Variants in ENPP3 observed in about 807,000 individuals in gnomAD.
ENPP3 encodes the protein ectonucleotide pyrophosphatase/phosphodiesterase 3.
ENPP3 carries 104 observed loss-of-function variants against 117.8 expected under a neutral mutation model. The observed-to-expected ratio is 0.88, with a 90% CI of 0.75 to 1.04. The LOEUF is 1.04. Among genes scored for constraint, ENPP3 ranks in the 50% least tolerant of loss-of-function variants. The probability of loss-of-function intolerance (pLI) is 0.00; values close to 1 mark genes in which losing one functional copy is unlikely to be tolerated. For synonymous variants in ENPP3, 380 were observed against 349.9 expected (o/e 1.09, Z -0.96); for missense variants, 1,026 against 1,051.9 (o/e 0.98, Z 0.34).
At chr6:131,686,734 G>C (rs1405106937) in intron 14 of ENPP3, among the ~76,000 whole-genome samples, 2 of 152,116 alleles carry the variant, frequency 1.3e-5, no homozygotes, top group Non-Finnish European at 2.9e-5. Flanking sequence ...TCAATGTTTA[G>C]CTCCCACTTA....
rs571484687 is a variant in ENPP3, at chr6:131,642,014, C to T, written c.154+484C>T. On this transcript the variant is annotated intron_variant, in intron 2 of 24. Transcript: ENST00000357639. ...TTCACTACATTGCCCAGGCTGGTCT[C>T]GAGCTCCCGGGCTCAAGTGATCCAC... Among the ~76,000 whole-genome samples the T allele has an allele frequency of 4.6e-5, 7 of 151,796 alleles. No homozygotes were observed. The East Asian group carries it at 7.8e-4, about 17-fold the overall frequency.
chr6:131,653,491 A>C (rs1778309616), intron 5 of ENPP3, among the ~76,000 whole-genome samples: 1 of 152,092 alleles, frequency 6.6e-6, no homozygotes, highest in Non-Finnish European at 1.5e-5. Flanking sequence ...TAAATAGGTA[A>C]TACTCCAAAG....
chr6:131,733,654 T>C lies in ENPP3; in HGVS notation c.2020T>C (p.Ser674Pro), dbSNP rs755272425. 1 of 1,614,162 alleles carries C rather than the reference T, an allele frequency of 6.2e-7. No homozygotes were observed. The highest frequency in any genetic ancestry group is 8.5e-7 in the Non-Finnish European group (1 of 1,179,996). ...GCGGGCTGATGTCAGGGTTCCTCCTTCTGAGAGCCAAAAATGTTCCTTCTA... is the reference window on the plus strand; with the variant it reads ...GCGGGCTGATGTCAGGGTTCCTCCTCCTGAGAGCCAAAAATGTTCCTTCTA... Reference protein sequence around the residue: ...CLRADVRVPPSESQKCSFYLA... With the variant: ...CLRADVRVPPPESQKCSFYLA... The change falls in exon 21 of 25, where the codon TCT becomes CCT. Residue 674 changes from serine to proline, a missense_variant. Transcript: ENST00000357639.
chr6:131,669,084 C>T (rs1481486612), intron 6 of ENPP3, among the ~76,000 whole-genome samples: 1 of 152,060 alleles, frequency 6.6e-6, no homozygotes, highest in African/African-American at 2.4e-5. Flanking sequence ...GTCTGCCACC[C>T]GTTTCAAGGA....
Position 131,726,082 on chromosome 6 carries a change from G to A in ENPP3, c.1835G>A (p.Arg612Lys). The change falls in exon 20 of 25, where the codon AGG becomes AAG. Residue 612 changes from arginine to lysine, a missense_variant. Coordinates refer to ENST00000357639, the MANE Select transcript of ENPP3 (RefSeq NM_005021.5). ...GTGAAAGTAAATTTGCCATTTGGGA[G>A]GCCTAGGGTACTGCAGAAGAACGTG... ...ATVKVNLPFG[R>K]PRVLQKNVDH... is the part of the protein sequence containing the mutation. The A allele has an allele frequency of 6.2e-7, 1 of 1,612,646 alleles. No homozygotes were observed. Among genetic ancestry groups the A allele is most frequent in the Middle Eastern group, 1.7e-4 (1 of 6,054 alleles).
At chr6:131,671,119 C>G in intron 6 of ENPP3, 129 bp from the exon 7 acceptor site, 1 of 651,896 alleles carries the variant, frequency 1.5e-6, no homozygotes. Context: ...ATTTCAACCT[C>G]TTTCCATCTT....
In ENPP3 at chr6:131,678,472, A is replaced by G. The variant is rs562192860; in HGVS notation, c.1011+532A>G. Among the ~76,000 whole-genome samples the G allele has an allele frequency of 3.3e-5, 5 of 152,338 alleles. No individual in the cohort carries two copies. The East Asian group carries it at 9.6e-4, about 29-fold the overall frequency. On this transcript the variant is annotated intron_variant, in intron 11 of 24. Coordinates refer to ENST00000357639, the MANE Select transcript of ENPP3 (RefSeq NM_005021.5). ...TATTCATTATCTAGGCCATTCTGTT[A>G]TGATTTTACTACACAAACATAGTCC...
At chr6:131,655,693 A>G (rs1778370887) in intron 5 of ENPP3, among the ~76,000 whole-genome samples, 1 of 152,210 alleles carries the variant, frequency 6.6e-6, no homozygotes, top group African/African-American at 2.4e-5. Flanking sequence ...ACTAAGCCCA[A>G]ATGATTAGTT....
Position 131,722,295 on chromosome 6 carries a change from C to A in ENPP3, c.1636C>A (p.Pro546Thr). 6.2e-7 allele frequency: 1 copy of A among 1,613,920 alleles called. No individual in the cohort carries two copies. Among genetic ancestry groups the A allele is most frequent in the Non-Finnish European group, 8.5e-7 (1 of 1,179,834 alleles). The change falls in exon 18 of 25, where the codon CCT (proline) becomes ACT (threonine). Residue 546 changes from proline to threonine, a missense_variant. Physicochemically the swap from Pro to Thr is conservative, Grantham distance 38 (BLOSUM62 -1). Coordinates refer to ENST00000357639, the MANE Select transcript of ENPP3 (RefSeq NM_005021.5). ...HGSLNHLLKV[P>T]FYEPSHAEEV... ...TAGTTTAAACCATCTTCTGAAGGTG[C>A]CTTTTTATGAGCCATCCCATGCAGA... is the stretch of plus-strand genomic sequence containing the variant.
rs1778287235 is a variant in ENPP3, at chr6:131,652,612, A to G, written c.348A>G (p.Ser116=). 1 of 1,614,074 alleles carries G rather than the reference A, an allele frequency of 6.2e-7. No homozygotes were observed. Among genetic ancestry groups the G allele is most frequent in the Non-Finnish European group, 8.5e-7 (1 of 1,179,916 alleles). The part of the protein sequence containing the change: ...TRLEASLCSC[S]DDCLQRKDCC... ...TAGAGGCCAGCCTTTGCTCTTGTTC[A>G]GATGACTGTTTGCAGAGGAAAGATT... The change falls in exon 4 of 25, where the codon TCA becomes TCG. Residue 116 remains serine, a synonymous_variant. Coordinates refer to ENST00000357639, the MANE Select transcript of ENPP3 (RefSeq NM_005021.5).
chr6:131,656,482 C>T (rs762832091), intron 5 of ENPP3, among the ~76,000 whole-genome samples: 2 of 151,970 alleles, frequency 1.3e-5, no homozygotes, highest in Non-Finnish European at 2.9e-5. Flanking sequence ...GAAAGTTTGT[C>T]GTAGGCCGGG....
chr6:131,663,231 A>G (rs1371838027), intron 6 of ENPP3, among the ~76,000 whole-genome samples: 2 of 151,860 alleles, frequency 1.3e-5, no homozygotes, highest in African/African-American at 4.8e-5. Context: ...TTAGGTGGAA[A>G]AATTTTCACC....
chr6:131,738,207 G>A, intron 23 of ENPP3, 44 bp downstream of exon 23: 1 of 1,507,624 alleles, frequency 6.6e-7, no homozygotes, highest in African/African-American at 1.4e-5. Context: ...GTCTCATGAG[G>A]GGAAATTCCA....
chr6:131,740,496 A>G (rs946355673), intron 24 of ENPP3, 116 bp downstream of exon 24: 14 of 687,528 alleles, frequency 2.0e-5, no homozygotes, highest in East Asian at 2.8e-5. Context: ...GGGAAAAGTT[A>G]TAACACAAAT....
intron 10 of ENPP3, 129 bp from the exon 11 acceptor site, chr6:131,677,739 C>T (rs572989599): frequency 1.6e-6 from 1 of 616,258 alleles, no homozygotes; most frequent in East Asian, 2.8e-5. Context: ...TGGGTCTGAA[C>T]AAGGAGGAGG....
At chr6:131,675,584 T>C (rs992417838) in intron 9 of ENPP3, among the ~76,000 whole-genome samples, 1 of 152,116 alleles carries the variant, frequency 6.6e-6, no homozygotes, top group African/African-American at 2.4e-5. Context: ...TCCCAGCAGT[T>C]TGGGAGGCTG....
intron 19 of ENPP3, 138 bp downstream of exon 19, chr6:131,724,229 A>AAAAAAAAAAAAAAAC: frequency 1.7e-6 from 1 of 604,170 alleles, no homozygotes; most frequent in African/African-American, 1.9e-5. Flanking sequence ...CAAAAGGTAA[A>AAAAAAAAAAAAAAAC]AAAAAAAAAA....
At chr6:131,734,059 A>G (rs753359473) in intron 21 of ENPP3, among the ~76,000 whole-genome samples, 1 of 152,184 alleles carries the variant, frequency 6.6e-6, no homozygotes, top group African/African-American at 2.4e-5. Context: ...GCTAAGGTCC[A>G]CCTGGAGAAT....
chr6:131,737,475 A>T (rs750367708), intron 22 of ENPP3, 43 bp downstream of exon 22: 1 of 1,069,826 alleles, frequency 9.3e-7, no homozygotes. Flanking sequence ...TAGTTAAGTG[A>T]CTCCTTGAAC....
Sources: gnomAD v4.1 joint callset for allele counts (sites outside exome capture counted in the v4.1 genomes callset) on GRCh38, gnomAD v4.1.1 for gene constraint, MANE v1.5 for transcripts, NCBI Gene and HGNC (gene_info 2026-07-23, HGNC 2026-07-21) for gene names.